The following FREM2 variants were observed in gnomAD, a reference collection of about 807,000 sequenced individuals.
FREM2 encodes the protein FRAS1 related extracellular matrix 2.
In FREM2, 119 loss-of-function variants were observed where a neutral mutation model predicts 219.9. The ratio of observed to expected loss-of-function variants is 0.54; its 90% CI spans 0.47 to 0.63. The LOEUF is 0.63. FREM2 is among the 30% of genes least tolerant of loss of function. FREM2 has a pLI of 0.00. For synonymous variants in FREM2, 1,562 were observed against 1,522.8 expected, an observed-to-expected ratio of 1.03 and a Z score of -0.60; for missense variants, 4,030 against 3,993.6, an observed-to-expected ratio of 1.01 and a Z score of -0.25.
intron 2 of FREM2, among the ~76,000 whole-genome samples, chr13:38,728,322 C>T (rs903436345): frequency 2.6e-5 from 4 of 152,028 alleles, no homozygotes; most frequent in Non-Finnish European, 4.4e-5. Context: ...ATACAATGAG[C>T]GTGAGCTTTG....
Position 38,877,085 on chromosome 13 carries a change from A to G in FREM2, c.8545-32A>G, listed in dbSNP as rs573297171. 2.9e-5 allele frequency: 46 copies of G among 1,613,456 alleles called. 1 individual carries two copies. The Admixed American group carries it at 5.0e-4, about 18-fold the overall frequency. ...TGTTTGTGCACCATCAGAACCACTG[A>G]TGCATAAAAGAACTTTTACCTTTGG... On this transcript the variant is annotated intron_variant, in intron 20 of 23. Transcript: ENST00000280481.
rs74793552 is a variant in FREM2 at position 38,886,387 on chromosome 13, G to C, written c.*5600G>C. On this transcript the variant is annotated 3_prime_UTR_variant, in exon 24 of 24. Coordinates refer to ENST00000280481, the MANE Select transcript of FREM2 (RefSeq NM_207361.6). ...ATATATGTACATACATATATATATA[G>C]AGAGAGAGAGATAGATTTTTTTTTT... 7.8e-6 allele frequency: 1 copy of C among 128,672 alleles called. No individual in the cohort carries two copies. Among genetic ancestry groups the C allele is most frequent in the Non-Finnish European group, 1.6e-5 (1 of 61,754 alleles). 8.0% of individuals were successfully genotyped at this position (128,672 alleles called of 1,614,324 possible).
At chr13:38,873,965 A>T (rs1203975586) in intron 17 of FREM2, among the ~76,000 whole-genome samples, 1 of 152,138 alleles carries the variant, frequency 6.6e-6, no homozygotes, top group Non-Finnish European at 1.5e-5. Flanking sequence ...ATTTAAGTTA[A>T]TCTTAATGAG....
rs374253365 is a variant in FREM2, at chr13:38,803,560, G to T, written c.6019+18752G>T. 6.6e-5 allele frequency among the ~76,000 whole-genome samples: 10 copies of T among 151,718 alleles called. No homozygotes were observed. The East Asian group carries it at 1.2e-3, about 18-fold the overall frequency. Reference sequence around the variant, plus strand: ...CTTCAGTAATTTTACAATTTAATACGCAGTATTGTTTCACTAGGGTCAGTA... The same window carrying T: ...CTTCAGTAATTTTACAATTTAATACTCAGTATTGTTTCACTAGGGTCAGTA... On this transcript the variant is annotated intron_variant, in intron 6 of 23. Coordinates refer to ENST00000280481, the MANE Select transcript of FREM2 (RefSeq NM_207361.6).
At chr13:38,870,582 G>A (rs747790889) in intron 16 of FREM2, among the ~76,000 whole-genome samples, 5 of 152,154 alleles carry the variant, frequency 3.3e-5, no homozygotes, top group East Asian at 1.9e-4. Context: ...TTTTGAAGAA[G>A]GTAGGTGATC....
At position 38,689,645 on chromosome 13, in the gene FREM2, C is replaced by T. The variant is rs760545822; in HGVS notation, c.2301C>T (p.Pro767=). The stretch of plus-strand genomic sequence containing the variant: ...GTACCTTGGTCTTGACTGACAACCC[C>T]TCAGTCGTGGTGACCCATTTTACCC... ...PLGTLVLTDN[P]SVVVTHFTQA... The change falls in exon 1 of 24, where the codon CCC becomes CCT. Residue 767 remains proline (P), a synonymous_variant. Transcript: ENST00000280481. The T allele has an allele frequency of 1.2e-6, 2 of 1,614,094 alleles. No individual in the cohort carries two copies. Among genetic ancestry groups the T allele is most frequent in the Non-Finnish European group, 1.7e-6 (2 of 1,180,020 alleles).
intron 6 of FREM2, among the ~76,000 whole-genome samples, chr13:38,837,770 TTTTTGTTTTG>T (rs1194672216): frequency 2.8e-5 from 4 of 144,040 alleles, no homozygotes; most frequent in East Asian, 3.8e-4. Flanking sequence ...CCCTGGTTTT[TTTTTGTTTTG>T]TTTTGTTTTG....
At chr13:38,875,626 C>CT (rs1878314865) in intron 18 of FREM2, among the ~76,000 whole-genome samples, 1 of 152,216 alleles carries the variant, frequency 6.6e-6, no homozygotes, top group African/African-American at 2.4e-5. Flanking sequence ...TACTAATAGA[C>CT]TATTTTAAGT....
At position 38,688,064 on chromosome 13, in the gene FREM2, T is replaced by G; in HGVS notation, c.720T>G (p.Pro240=). Residue 240 remains proline (P), a synonymous_variant, in exon 1 of 24, where the codon CCT becomes CCG. Coordinates refer to ENST00000280481, the MANE Select transcript of FREM2 (RefSeq NM_207361.6). ...YGELLHYPQV[P]GGAREGGAPE... Reference sequence around the variant, plus strand: ...AACTCCTCCACTACCCGCAGGTCCCTGGAGGAGCCAGAGAGGGAGGCGCCC... The same window carrying G: ...AACTCCTCCACTACCCGCAGGTCCCGGGAGGAGCCAGAGAGGGAGGCGCCC... 1 of 1,609,094 alleles carries G rather than the reference T, an allele frequency of 6.2e-7. No homozygotes were observed. The highest frequency in any genetic ancestry group is 8.5e-7 in the Non-Finnish European group (1 of 1,176,204).
chr13:38,717,896 T>C (rs536318912), intron 2 of FREM2, among the ~76,000 whole-genome samples: 1 of 152,364 alleles, frequency 6.6e-6, no homozygotes, highest in South Asian at 2.1e-4. Context: ...CATTTAATAC[T>C]TGAAAGACTA....
rs542375139 is a variant in FREM2 at position 38,754,054 on chromosome 13, C to T, written c.5264-10250C>T. On this transcript the variant is annotated intron_variant, in intron 2 of 23. Transcript: ENST00000280481. ...GAGAAATGCAGAGGATCCCTGCAGG[C>T]TCAGGCTTGCAGATTCCCATTCCAA... Among the ~76,000 whole-genome samples, 4 of 151,740 alleles carry T rather than the reference C, an allele frequency of 2.6e-5. No individual in the cohort carries two copies. The South Asian group carries it at 8.3e-4, about 32-fold the overall frequency.
intron 6 of FREM2, among the ~76,000 whole-genome samples, chr13:38,795,764 C>T (rs752631360): frequency 3.3e-5 from 5 of 152,162 alleles, no homozygotes; most frequent in Non-Finnish European, 7.3e-5. Flanking sequence ...CCTTCCCAAC[C>T]TCTGGTATCT....
intron 6 of FREM2, chr13:38,827,445 A>C (rs552926652): frequency 7.4e-4 from 112 of 152,252 alleles, no homozygotes; most frequent in African/African-American, 2.6e-3. Context: ...ATTACTTTTG[A>C]ATAGAAACTT....
chr13:38,785,790 T>C (rs775468373), intron 6 of FREM2, among the ~76,000 whole-genome samples: 1 of 152,224 alleles, frequency 6.6e-6, no homozygotes, highest in Non-Finnish European at 1.5e-5. Context: ...TGGATCTTTG[T>C]ATTTCTTTGA....
intron 2 of FREM2, among the ~76,000 whole-genome samples, chr13:38,729,932 A>G (rs1259316481): frequency 1.3e-5 from 2 of 152,248 alleles, no homozygotes; most frequent in African/African-American, 2.4e-5. Flanking sequence ...AATAAGACAG[A>G]AACAATAGTC....
At position 38,697,866 on chromosome 13, in the gene FREM2, A is replaced by C. The variant is rs553267350; in HGVS notation, c.5263+79A>C. The C allele has an allele frequency of 1.9e-4, 151 of 816,014 alleles. No individual in the cohort carries two copies. The African/African-American group carries it at 2.4e-3, about 13-fold the overall frequency. The allele number at this position is 816,014 out of a possible 1,614,324, so 50.5% of individuals were successfully genotyped here. ...TGCTCTCTGATGACATTATTACAAG[A>C]AGTCTTCATCAAGTAATATTTCATG... On this transcript the variant is annotated intron_variant, in intron 2 of 23. Transcript: ENST00000280481.
intron 2 of FREM2, among the ~76,000 whole-genome samples, chr13:38,712,947 C>CAGTGGTATGTCTG (rs1396917807): frequency 6.6e-6 from 1 of 152,156 alleles, no homozygotes; most frequent in Non-Finnish European, 1.5e-5. Flanking sequence ...CCATTTCTTT[C>CAGTGGTATGTCTG]AGTGGTATGT....
chr13:38,690,517 C>T lies in FREM2; in HGVS notation c.3173C>T (p.Thr1058Ile), dbSNP rs1038650342. 1 of 1,614,004 alleles carries T rather than the reference C, an allele frequency of 6.2e-7. No homozygotes were observed. The highest frequency in any genetic ancestry group is 8.5e-7 in the Non-Finnish European group (1 of 1,179,986). The change falls in exon 1 of 24, where the codon ACC (threonine) becomes ATC (isoleucine). Residue 1058 changes from threonine (T) to isoleucine (I), a missense_variant. Physicochemically the swap from Thr to Ile is moderately conservative, Grantham distance 89. Around this residue, in one of 2 missense-constraint regions of FREM2, gnomAD observed 3,102 missense variants for 2,950.7 expected, o/e 1.05. Coordinates refer to ENST00000280481, the MANE Select transcript of FREM2 (RefSeq NM_207361.6). The part of the protein sequence containing the change: ...NTIQGVTIWV[T>I]ILPVDSQAPE... ...ATCCAAGGAGTTACTATATGGGTGA[C>T]CATCCTGCCTGTTGATAGCCAGGCC...
intron 2 of FREM2, among the ~76,000 whole-genome samples, chr13:38,700,419 G>T (rs975934393): frequency 6.6e-6 from 1 of 151,986 alleles, no homozygotes; most frequent in Non-Finnish European, 1.5e-5. Flanking sequence ...ATAACATCAG[G>T]GTCTTTACCT....
Sources: gnomAD v4.1 joint callset for allele counts (sites outside exome capture counted in the v4.1 genomes callset) on GRCh38, gnomAD v4.1.1 for gene constraint, gnomAD v4.1.1 regional missense constraint, MANE v1.5 for transcripts, NCBI Gene and HGNC (gene_info 2026-07-23, HGNC 2026-07-21) for gene names.